Variants in UBAP1 observed in about 807,000 individuals in gnomAD.
The protein encoded by UBAP1 is ubiquitin associated protein 1, also known as ubiquitin-associated protein 1.
UBAP1 carries 5 observed loss-of-function variants against 39.0 expected under a neutral mutation model. The ratio of observed to expected loss-of-function variants is 0.13; its 90% CI spans 0.07 to 0.27. The LOEUF (loss-of-function observed/expected upper bound fraction) is 0.27, where lower values mean the gene tolerates loss of function less well. UBAP1 is among the 10% of genes least tolerant of loss of function. The pLI is 1.00. For missense variants in UBAP1, 490 were observed against 608.1 expected, an observed-to-expected ratio of 0.81 and a Z score of 2.04; for synonymous variants, 211 against 225.1, an observed-to-expected ratio of 0.94 and a Z score of 0.56.
At chr9:34,227,002 C>T (rs1833143817) in intron 2 of UBAP1, among the ~76,000 whole-genome samples, 1 of 152,086 alleles carries the variant, frequency 6.6e-6, no homozygotes, top group African/African-American at 2.4e-5. Flanking sequence ...TTTAAAGCTC[C>T]CTGTCTGATG....
intron 1 of UBAP1, among the ~76,000 whole-genome samples, chr9:34,208,535 T>C (rs1831838805): frequency 6.6e-6 from 1 of 152,000 alleles, no homozygotes; most frequent in Non-Finnish European, 1.5e-5. Context: ...CCCAGCACTT[T>C]GGGAGGCCGA....
At chr9:34,217,125 C>G (rs1426962791) in intron 1 of UBAP1, among the ~76,000 whole-genome samples, 3 of 152,074 alleles carry the variant, frequency 2.0e-5, no homozygotes, top group Non-Finnish European at 4.4e-5. Flanking sequence ...TATTCCACAT[C>G]TGTGATTCTC....
chr9:34,238,616 A>G (rs1278861348), intron 3 of UBAP1, among the ~76,000 whole-genome samples: 2 of 152,176 alleles, frequency 1.3e-5, no homozygotes, highest in South Asian at 2.1e-4. Flanking sequence ...AATGGTGTCA[A>G]GCATCTTAAG....
At chr9:34,225,115 G>C (rs778830740) in intron 2 of UBAP1, among the ~76,000 whole-genome samples, 11 of 152,212 alleles carry the variant, frequency 7.2e-5, no homozygotes, top group African/African-American at 2.7e-4. Flanking sequence ...TTAGATATCT[G>C]ACTGATCCAT....
At chr9:34,194,384 G>C (rs1214150053) in intron 1 of UBAP1, among the ~76,000 whole-genome samples, 1 of 150,484 alleles carries the variant, frequency 6.6e-6, no homozygotes, top group African/African-American at 2.4e-5. Context: ...GCACAATCTC[G>C]GCTCGCTGTA....
intron 1 of UBAP1, among the ~76,000 whole-genome samples, chr9:34,210,491 G>A (rs1334163614): frequency 6.6e-6 from 1 of 152,118 alleles, no homozygotes; most frequent in African/African-American, 2.4e-5. Context: ...GGCCAAGATG[G>A]GTGGATCACC....
At chr9:34,187,829 T>TA (rs1310564923) in intron 1 of UBAP1, among the ~76,000 whole-genome samples, 24 of 151,030 alleles carry the variant, frequency 1.6e-4, no homozygotes, top group Admixed American at 4.6e-4. Context: ...TTTGCTTTTT[T>TA]TAAAAAAAAA....
At chr9:34,217,162 G>T (rs916946886) in intron 1 of UBAP1, among the ~76,000 whole-genome samples, 1 of 152,144 alleles carries the variant, frequency 6.6e-6, no homozygotes, top group South Asian at 2.1e-4. Context: ...TTGAGAGGAT[G>T]CCATCAGCCT....
At chr9:34,220,860 C>T in intron 1 of UBAP1, 48 bp from the exon 2 acceptor site, 1 of 1,559,288 alleles carries the variant, frequency 6.4e-7, no homozygotes, top group Non-Finnish European at 8.8e-7. Flanking sequence ...TTTCTTCGTA[C>T]TACCTTCAAG....
chr9:34,193,324 T>A (rs1207087397), intron 1 of UBAP1, among the ~76,000 whole-genome samples: 4 of 151,782 alleles, frequency 2.6e-5, no homozygotes, highest in Admixed American at 2.0e-4. Context: ...AAAATAAAAA[T>A]AATAAAAATA....
At chr9:34,200,104 C>T (rs907504022) in intron 1 of UBAP1, among the ~76,000 whole-genome samples, 1 of 152,098 alleles carries the variant, frequency 6.6e-6, no homozygotes, top group African/African-American at 2.4e-5. Context: ...GAAAACTGGT[C>T]AGGTCCTCAA....
chr9:34,250,240 C>CT (rs1246021880), intron 5 of UBAP1, among the ~76,000 whole-genome samples: 3 of 152,208 alleles, frequency 2.0e-5, no homozygotes, highest in Non-Finnish European at 4.4e-5. Context: ...CAGAGCTAGG[C>CT]TTGGGGTATG....
Position 34,252,272 on chromosome 9 carries a change from C to T in UBAP1, c.*740C>T, listed in dbSNP as rs1027759471. 6 of 152,562 alleles carry T rather than the reference C, an allele frequency of 3.9e-5. No individual in the cohort carries two copies. The highest frequency in any genetic ancestry group is 8.8e-5 in the Non-Finnish European group (6 of 68,064). 9.5% of individuals were successfully genotyped at this position (152,562 alleles called of 1,614,324 possible). On this transcript the variant is annotated 3_prime_UTR_variant, in exon 7 of 7. Coordinates refer to ENST00000297661, the MANE Select transcript of UBAP1 (RefSeq NM_016525.5). ...CACATTGAATGGGTAAGCAGACAGG[C>T]CATGATTTAGTTGGCCAGCACTAAC... is the stretch of plus-strand genomic sequence containing the variant.
At chr9:34,190,549 C>G (rs1350684993) in intron 1 of UBAP1, among the ~76,000 whole-genome samples, 1 of 151,858 alleles carries the variant, frequency 6.6e-6, no homozygotes, top group Non-Finnish European at 1.5e-5. Context: ...CTCAGCTTCC[C>G]AAAGTGCTGG....
At chr9:34,181,176 G>T (rs1360680264) in intron 1 of UBAP1, among the ~76,000 whole-genome samples, 1 of 130,802 alleles carries the variant, frequency 7.6e-6, no homozygotes, top group African/African-American at 2.8e-5. Context: ...GTGCAGTGGC[G>T]CAATCTCAGC....
chr9:34,227,298 T>TTTTATTTATTTA (rs539717231), intron 2 of UBAP1, among the ~76,000 whole-genome samples: 2 of 152,074 alleles, frequency 1.3e-5, no homozygotes, highest in African/African-American at 4.8e-5. Flanking sequence ...GTTTTTTTTG[T>TTTTATTTATTTA]TTTATTTATT....
intron 1 of UBAP1, among the ~76,000 whole-genome samples, chr9:34,210,948 A>G (rs1831987306): frequency 6.6e-6 from 1 of 152,036 alleles, no homozygotes; most frequent in South Asian, 2.1e-4. Flanking sequence ...TTATAATAAG[A>G]ATCATTTGAG....
Position 34,202,624 on chromosome 9 carries a change from C to CCTCT in UBAP1, c.-7-18284_-7-18283insCTCT, listed in dbSNP as rs1491103579. Among the ~76,000 whole-genome samples, 119 of 107,360 alleles carry CCTCT rather than the reference C, an allele frequency of 1.1e-3. 1 individual carries two copies. The highest frequency in any genetic ancestry group is 4.3e-3 in the African/African-American group (110 of 25,544). The allele number at this position is 107,360 out of a possible 152,430, so 70.4% of individuals were successfully genotyped here. On this transcript the variant is annotated intron_variant, in intron 1 of 6. Transcript: ENST00000297661. ...ATGGGCCAGAAGCTGTAGACAGAAA[C>CCTCT]GTGTGTGTGTGTGTGTGTGTGTGTG...
chr9:34,218,037 G>C (rs1480822831), intron 1 of UBAP1, among the ~76,000 whole-genome samples: 4 of 150,730 alleles, frequency 2.7e-5, no homozygotes, highest in Non-Finnish European at 5.9e-5. Context: ...TGGATCACAA[G>C]GTCAAGAGAT....
Sources: allele counts gnomAD v4.1 joint callset (sites outside exome capture counted in the v4.1 genomes callset), GRCh38; gene constraint gnomAD v4.1.1; transcripts MANE v1.5; gene names NCBI Gene and HGNC (gene_info 2026-07-23, HGNC 2026-07-21).